Variants in MELTF observed in about 807,000 individuals in gnomAD.
MELTF encodes melanotransferrin.
MELTF carries 67 observed loss-of-function variants against 83.7 expected under a neutral mutation model. That is an observed-to-expected ratio of 0.80 (90% CI 0.66 to 0.98). The LOEUF (loss-of-function observed/expected upper bound fraction) is 0.98. Ranked by LOEUF, MELTF falls within the 50% of genes least tolerant of loss-of-function variation. MELTF has a pLI of 0.00. For synonymous variants in MELTF, 462 were observed against 447.6 expected, an observed-to-expected ratio of 1.03 and a Z score of -0.41; for missense variants, 1,002 against 1,035.6, an observed-to-expected ratio of 0.97 and a Z score of 0.44.
rs1463348206 is a variant in MELTF at position 197,007,192 on chromosome 3, G to A, written c.1751-456C>T. On this transcript the variant is annotated intron_variant, in intron 13 of 15. Transcript: ENST00000296350. The surrounding 1 kb of genome is among the most constrained non-coding windows in gnomAD (Gnocchi z 4.3). The stretch of plus-strand genomic sequence containing the variant: ...AGGGCTGAAGTTCTCAAATGGAACA[G>A]GGTATAGCATCACTTGTGGATGCAG... Among the ~76,000 whole-genome samples the A allele has an allele frequency of 6.6e-6, 1 of 152,166 alleles. No homozygotes were observed. The highest frequency in any genetic ancestry group is 1.9e-4 in the East Asian group (1 of 5,198).
At chr3:197,026,305 G>A (rs1194779603) in intron 3 of MELTF, 1 of 229,352 alleles carries the variant, frequency 4.4e-6, no homozygotes, top group Non-Finnish European at 8.8e-6. Flanking sequence ...GGCCCTGAGA[G>A]TGCAGGTGGC....
chr3:197,026,744 C>T lies in MELTF; in HGVS notation c.220G>A (p.Ala74Thr), dbSNP rs200891181. The change falls in exon 3 of 16, where the codon GCC becomes ACC. Residue 74 changes from alanine (A) to threonine (T), a missense_variant. By Grantham distance (58) the Ala-to-Thr change is moderately conservative. Coordinates refer to ENST00000296350, the MANE Select transcript of MELTF (RefSeq NM_005929.6). ...ATGGCTCCTCCATCCAGAGTGATGG[C>T]GTCAGCCTCCTGGGCCTGCAAGGAA... ...VQLIAAQEAD[A>T]ITLDGGAIYE... The T allele has an allele frequency of 2.1e-5, 34 of 1,612,566 alleles. No individual in the cohort carries two copies. The highest frequency in any genetic ancestry group is 1.3e-4 in the Admixed American group (8 of 60,032).
At chr3:197,012,917 G>A (rs1424776863) in intron 9 of MELTF, among the ~76,000 whole-genome samples, 1 of 152,244 alleles carries the variant, frequency 6.6e-6, no homozygotes, top group Non-Finnish European at 1.5e-5. Flanking sequence ...TCATATCTCT[G>A]TATATAAAGG....
chr3:197,014,390 T>G (rs1577933574), intron 9 of MELTF, among the ~76,000 whole-genome samples: 1 of 143,480 alleles, frequency 7.0e-6, no homozygotes, highest in Non-Finnish European at 1.5e-5. Flanking sequence ...AGAGTTTTTT[T>G]TTTTTTTTTT....
rs750944788 is a variant in MELTF at position 197,006,547 on chromosome 3, A to C, written c.1938+2T>G. On this transcript the variant is annotated splice_donor_variant, in intron 14 of 15. Coordinates refer to ENST00000296350, the MANE Select transcript of MELTF (RefSeq NM_005929.6). LOFTEE classifies it high-confidence loss of function. This position sits in a 1 kb window ranked among gnomAD's most constrained non-coding sequence, Gnocchi z 5.4. ...CAATGAGGTAGCCCCACCCTGGCTC[A>C]CCTGGGCCTTGTCCAGCAGTCCATA... 18 of 1,611,390 alleles carry C rather than the reference A, an allele frequency of 1.1e-5. No individual in the cohort carries two copies. The highest frequency in any genetic ancestry group is 1.3e-5 in the Non-Finnish European group (15 of 1,178,852).
At position 197,006,260 on chromosome 3, in the gene MELTF, A is replaced by G. The variant is rs1006137869; in HGVS notation, c.1938+289T>C. ...AAAAAGGGAGCAGGATTACAGCTGCAAGAGGATGGATGTGAGACCAAGAGG... is the reference window on the plus strand; with the variant it reads ...AAAAAGGGAGCAGGATTACAGCTGCGAGAGGATGGATGTGAGACCAAGAGG... On this transcript the variant is annotated intron_variant, in intron 14 of 15. Coordinates refer to ENST00000296350, the MANE Select transcript of MELTF (RefSeq NM_005929.6). This position sits in a 1 kb window ranked among gnomAD's most constrained non-coding sequence, Gnocchi z 5.4. 3.3e-5 allele frequency among the ~76,000 whole-genome samples: 5 copies of G among 152,140 alleles called. No individual in the cohort carries two copies. The highest frequency in any genetic ancestry group is 3.3e-4 in the Admixed American group (5 of 15,264).
intron 7 of MELTF, 26 bp from the exon 8 acceptor site, chr3:197,016,395 G>A (rs1181473638): frequency 4.9e-5 from 73 of 1,488,538 alleles, no homozygotes; most frequent in Non-Finnish European, 6.1e-5. Context: ...TGTGGTACAG[G>A]GTGGTGAGGG....
Position 197,009,772 on chromosome 3 carries a change from C to T in MELTF, c.1371G>A (p.Val457=), listed in dbSNP as rs1209711027. 2 of 1,613,160 alleles carry T rather than the reference C, an allele frequency of 1.2e-6. No individual in the cohort carries two copies. Among genetic ancestry groups the T allele is most frequent in the South Asian group, 2.2e-5 (2 of 91,084 alleles). ...TGAAGGCGTGGGAGCTGTCCCGTCT[C>T]ACCACGGCCACCACGTAGTACGAGT... The part of the protein sequence containing the change: ...SSNSYYVVAV[V]RRDSSHAFTL... The change falls in exon 11 of 16, where the codon GTG becomes GTA. Residue 457 remains valine (V), a synonymous_variant. Transcript: ENST00000296350.
At chr3:197,005,862 A>G (rs559424967) in intron 14 of MELTF, among the ~76,000 whole-genome samples, 1 of 150,046 alleles carries the variant, frequency 6.7e-6, no homozygotes, top group African/African-American at 2.5e-5. Flanking sequence ...TCCTTAAGAG[A>G]GGCCAGAGGA....
chr3:197,018,846 G>A (rs79740008), intron 6 of MELTF: 22,581 of 803,188 alleles, frequency 0.028, 1,234 homozygotes, highest in African/African-American at 0.18. Flanking sequence ...CTTTCCATAA[G>A]TTCATTTGTT....
chr3:197,026,507 T>G, intron 3 of MELTF, 153 bp downstream of exon 3: 1 of 648,486 alleles, frequency 1.5e-6, no homozygotes, highest in African/African-American at 1.8e-5. Context: ...CCTGGGGAAT[T>G]TGAGAGAGCC....
At chr3:197,017,403 C>T (rs1455074927) in intron 6 of MELTF, 113 bp from the exon 7 acceptor site, 2 of 997,246 alleles carry the variant, frequency 2.0e-6, no homozygotes, top group Non-Finnish European at 2.9e-6. Flanking sequence ...GACATGAGAA[C>T]CCAGCATTCA....
At position 197,026,745 on chromosome 3, in the gene MELTF, G is replaced by A. The variant is rs149299974; in HGVS notation, c.219C>T (p.Asp73=). 106 of 1,612,456 alleles carry A rather than the reference G, an allele frequency of 6.6e-5. No homozygotes were observed. The highest frequency in any genetic ancestry group is 4.9e-4 in the Middle Eastern group (3 of 6,082). The change falls in exon 3 of 16, where the codon GAC becomes GAT. Residue 73 remains aspartate (D), a synonymous_variant. Transcript: ENST00000296350. ...TGGCTCCTCCATCCAGAGTGATGGC[G>A]TCAGCCTCCTGGGCCTGCAAGGAAA... ...CVQLIAAQEA[D]AITLDGGAIY... is the part of the protein sequence containing the mutation.
chr3:197,025,117 A>C (rs1483014329), intron 3 of MELTF, among the ~76,000 whole-genome samples: 1 of 152,250 alleles, frequency 6.6e-6, no homozygotes, highest in Non-Finnish European at 1.5e-5. Flanking sequence ...CCCTGTGCCA[A>C]GGTGGCTCCA....
chr3:197,003,212 A>T lies in MELTF; in HGVS notation c.*160T>A. On this transcript the variant is annotated 3_prime_UTR_variant, in exon 16 of 16. Transcript: ENST00000296350. The surrounding 1 kb of genome is among the most constrained non-coding windows in gnomAD (Gnocchi z 6.2). ...GCCCGGGGGCGGCGCCTCAGGTAGC[A>T]GCGCCAGGTGGCGCCCGTGGGCGGC... 1.3e-6 allele frequency: 1 copy of T among 790,200 alleles called. No homozygotes were observed. The highest frequency in any genetic ancestry group is 1.5e-6 in the Non-Finnish European group (1 of 646,386). 48.9% of individuals were successfully genotyped at this position (790,200 alleles called of 1,614,324 possible). A position where few individuals can be genotyped will look rare whatever the true frequency, so the allele number is the denominator to read the frequency against.
In MELTF at chr3:197,022,810, G is replaced by C; in HGVS notation, c.644+147C>G. On this transcript the variant is annotated intron_variant, in intron 5 of 15. Coordinates refer to ENST00000296350, the MANE Select transcript of MELTF (RefSeq NM_005929.6). The surrounding 1 kb of genome is among the most constrained non-coding windows in gnomAD (Gnocchi z 5.1). The stretch of plus-strand genomic sequence containing the variant: ...ATGTTTTTAAACTAACCAGGGCACA[G>C]AACTATATAAAGGGTGCTTTGATGA... 1 of 748,694 alleles carries C rather than the reference G, an allele frequency of 1.3e-6. No individual in the cohort carries two copies. Among genetic ancestry groups the C allele is most frequent in the South Asian group, 1.8e-5 (1 of 55,660 alleles). The allele number at this position is 748,694 out of a possible 1,614,324, so 46.4% of individuals were successfully genotyped here.
At chr3:197,023,632 G>A (rs1430257262) in intron 4 of MELTF, among the ~76,000 whole-genome samples, 3 of 152,144 alleles carry the variant, frequency 2.0e-5, no homozygotes, top group Non-Finnish European at 4.4e-5. Flanking sequence ...ATCCTGTGCC[G>A]CGCGAGGAGG....
chr3:197,011,616 G>T lies in MELTF; in HGVS notation c.1234-822C>A, dbSNP rs1288722413. The stretch of plus-strand genomic sequence containing the variant: ...GGCGTTGATATTTGGGGCCAGGAGG[G>T]TGCACAGCTCGGGGCCCTTTTTCCA... On this transcript the variant is annotated intron_variant, in intron 9 of 15. Coordinates refer to ENST00000296350, the MANE Select transcript of MELTF (RefSeq NM_005929.6). The surrounding 1 kb of genome is among the most constrained non-coding windows in gnomAD (Gnocchi z 4.2). 6.6e-6 allele frequency among the ~76,000 whole-genome samples: 1 copy of T among 152,132 alleles called. No individual in the cohort carries two copies. The highest frequency in any genetic ancestry group is 6.5e-5 in the Admixed American group (1 of 15,286).
At chr3:197,004,882 C>G (rs573638914) in intron 14 of MELTF, 1 of 152,392 alleles carries the variant, frequency 6.6e-6, no homozygotes, top group Admixed American at 6.5e-5. Flanking sequence ...GAAAAATGCA[C>G]ATCCACCCAG....
Sources: allele counts gnomAD v4.1 joint callset (sites outside exome capture counted in the v4.1 genomes callset), GRCh38; gene constraint gnomAD v4.1.1; non-coding constraint Gnocchi (gnomAD v3.1); transcripts MANE v1.5; gene names NCBI Gene and HGNC (gene_info 2026-07-23, HGNC 2026-07-21).